DPP6: variants seen among roughly 807,000 people sequenced by gnomAD.
The protein encoded by DPP6 is dipeptidyl peptidase like 6.
In DPP6, 69 loss-of-function variants were observed where a neutral mutation model predicts 122.6. The ratio of observed to expected loss-of-function variants is 0.56; its 90% CI spans 0.46 to 0.69. The LOEUF (loss-of-function observed/expected upper bound fraction) is 0.69. Among genes scored for constraint, DPP6 ranks in the 30% least tolerant of loss-of-function variants. The pLI is 0.00. For synonymous variants in DPP6, 418 were observed against 433.1 expected, an observed-to-expected ratio of 0.97 and a Z score of 0.43; for missense variants, 928 against 1,116.9, an observed-to-expected ratio of 0.83 and a Z score of 2.41.
chr7:153,986,278 G>A (rs1377122538), intron 1 of DPP6, among the ~76,000 whole-genome samples: 1 of 151,974 alleles, frequency 6.6e-6, no homozygotes, highest in Admixed American at 6.5e-5. Flanking sequence ...GTCTTCCTTG[G>A]AAATTTTCAG....
At chr7:154,411,408 T>A in intron 1 of DPP6, among the ~76,000 whole-genome samples, 1 of 152,056 alleles carries the variant, frequency 6.6e-6, no homozygotes, top group East Asian at 1.9e-4. Context: ...CCCAGCTAAT[T>A]TTTTATATTT....
chr7:154,249,725 G>A (rs76129534), intron 1 of DPP6, among the ~76,000 whole-genome samples: 5,938 of 152,130 alleles, frequency 0.039, 193 homozygotes, highest in East Asian at 0.14. Context: ...GTCCCCAGAT[G>A]CATTTCCATG....
the DPP6 span, among the ~76,000 whole-genome samples, chr7:153,764,210 C>T: frequency 6.6e-6 from 1 of 152,306 alleles, no homozygotes; most frequent in East Asian, 1.9e-4. Flanking sequence ...CTTTTCCTCT[C>T]TCTGAGCTTG....
rs535779997 is a variant in DPP6, at chr7:153,935,349, C to T, written c.51+47615C>T. 3.9e-5 allele frequency among the ~76,000 whole-genome samples: 6 copies of T among 152,236 alleles called. No homozygotes were observed. In the South Asian group the frequency reaches 1.2e-3, roughly 32 times the overall value. Reference sequence around the variant, plus strand: ...GGGCTCCTCTAACCCTAGCGTTAGTCATGTGCCCTCAGCTGGAAAGTAGAC... The same window carrying T: ...GGGCTCCTCTAACCCTAGCGTTAGTTATGTGCCCTCAGCTGGAAAGTAGAC... On this transcript the variant is annotated intron_variant, in intron 1 of 25. Transcript: ENST00000404039.
the DPP6 span, among the ~76,000 whole-genome samples, chr7:153,844,124 G>A: frequency 2.0e-5 from 3 of 152,126 alleles, no homozygotes; most frequent in Non-Finnish European, 4.4e-5. Flanking sequence ...CTCTTCAGGG[G>A]GAAGCACATC....
intron 1 of DPP6, among the ~76,000 whole-genome samples, chr7:153,933,007 A>T (rs796310163): frequency 9.2e-5 from 14 of 152,170 alleles, no homozygotes; most frequent in African/African-American, 3.1e-4. Context: ...TCCCCTGCAC[A>T]CGCTCTCTTG....
At chr7:154,677,789 C>A (rs1239081527) in intron 7 of DPP6, among the ~76,000 whole-genome samples, 2 of 152,182 alleles carry the variant, frequency 1.3e-5, no homozygotes, top group Non-Finnish European at 2.9e-5. Context: ...GGAACCCAGC[C>A]AGGCCTGGGA....
intron 1 of DPP6, among the ~76,000 whole-genome samples, chr7:154,323,073 A>T (rs1808116376): frequency 6.6e-6 from 1 of 152,178 alleles, no homozygotes; most frequent in Admixed American, 6.5e-5. Context: ...TCAAAAAAAA[A>T]AATAAATGGA....
chr7:153,955,236 G>A (rs921264405), intron 1 of DPP6, among the ~76,000 whole-genome samples: 13 of 152,188 alleles, frequency 8.5e-5, no homozygotes, highest in African/African-American at 3.1e-4. Context: ...AGGGACCACT[G>A]TTCTTTATTG....
upstream of DPP6, among the ~76,000 whole-genome samples, chr7:154,050,748 C>T (rs28508192): frequency 2.0e-5 from 3 of 150,976 alleles, no homozygotes; most frequent in East Asian, 1.9e-4. Context: ...CAGCAAGTTT[C>T]GCTTAGCTGT....
intron 1 of DPP6, among the ~76,000 whole-genome samples, chr7:153,987,635 G>A (rs962637214): frequency 6.6e-6 from 1 of 152,054 alleles, no homozygotes; most frequent in Non-Finnish European, 1.5e-5. Flanking sequence ...CGTAGGAGCA[G>A]CGTGAGGTAG....
At position 154,388,636 on chromosome 7, in the gene DPP6, A is replaced by AGC. The variant is rs760053199; in HGVS notation, c.244-57576_244-57575dup. 4.3e-4 allele frequency among the ~76,000 whole-genome samples: 65 copies of AGC among 152,204 alleles called. 1 individual carries two copies. The highest frequency in any genetic ancestry group is 3.4e-3 in the Middle Eastern group (1 of 294). ...GAGAACCTGCCCTGATGCCCAGGCC[A>AGC]GCGTGCTCTGGCTGCCTGGCTTATG... is the stretch of plus-strand genomic sequence containing the variant. On this transcript the variant is annotated intron_variant, in intron 1 of 25. Transcript: ENST00000377770.
At chr7:153,949,949 C>T (rs568985873) in intron 1 of DPP6, among the ~76,000 whole-genome samples, 73 of 152,294 alleles carry the variant, frequency 4.8e-4, no homozygotes, top group African/African-American at 1.6e-3. Flanking sequence ...GGGTTAGAGG[C>T]CAAGCTGGAT....
chr7:154,111,822 T>G (rs1199858707), intron 1 of DPP6, among the ~76,000 whole-genome samples: 3 of 152,190 alleles, frequency 2.0e-5, no homozygotes, highest in Admixed American at 1.3e-4. Context: ...ATTGGAATTG[T>G]GTTGGTGCGT....
chr7:154,612,493 CT>C (rs71184011), intron 5 of DPP6, among the ~76,000 whole-genome samples: 61,424 of 152,026 alleles, frequency 0.4, 13,428 homozygotes, highest in East Asian at 0.65. Context: ...TAGCGGGTTC[CT>C]TTTTATTGCG....
In DPP6 at chr7:154,755,755, A is replaced by C. The variant is rs1843631265; in HGVS notation, c.884-13662A>C. The stretch of plus-strand genomic sequence containing the variant: ...ACACATTTTCCCTGTAAATCTTGAT[A>C]GGAAGAAGGAAAAGGTCAGGATGTT... On this transcript the variant is annotated intron_variant, in intron 8 of 25. Transcript: ENST00000377770. The surrounding 1 kb of genome is among the most constrained non-coding windows in gnomAD (Gnocchi z 4.7). 6.6e-6 allele frequency among the ~76,000 whole-genome samples: 1 copy of C among 152,232 alleles called. No individual in the cohort carries two copies. The highest frequency in any genetic ancestry group is 2.4e-5 in the African/African-American group (1 of 41,464).
chr7:154,662,015 C>A (rs1193199058), intron 6 of DPP6, among the ~76,000 whole-genome samples: 4 of 148,706 alleles, frequency 2.7e-5, no homozygotes, highest in Non-Finnish European at 6.0e-5. Flanking sequence ...TGGTGAATCA[C>A]CATGGCATAT....
At chr7:154,027,203 C>T (rs1397272779) in intron 1 of DPP6, among the ~76,000 whole-genome samples, 8 of 150,784 alleles carry the variant, frequency 5.3e-5, no homozygotes, top group African/African-American at 1.7e-4. Context: ...TCATCCCACA[C>T]GGCTAGCTCA....
chr7:154,694,132 G>T (rs1383921202), intron 7 of DPP6, among the ~76,000 whole-genome samples: 1 of 152,134 alleles, frequency 6.6e-6, no homozygotes, highest in African/African-American at 2.4e-5. Context: ...TCCTCGCTTG[G>T]TGGAAGGGAC....
Sources: gnomAD v4.1 joint callset for allele counts (sites outside exome capture counted in the v4.1 genomes callset) on GRCh38, gnomAD v4.1.1 for gene constraint, Gnocchi (gnomAD v3.1) non-coding constraint, MANE v1.5 for transcripts, NCBI Gene and HGNC (gene_info 2026-07-23, HGNC 2026-07-21) for gene names.